The following RRAS2 variants were observed in gnomAD, a reference collection of about 807,000 sequenced individuals.
RRAS2 encodes RAS related 2.
RRAS2 carries 7 observed loss-of-function variants against 27.6 expected under a neutral mutation model. The ratio of observed to expected loss-of-function variants is 0.25; its 90% CI spans 0.14 to 0.48. The LOEUF (loss-of-function observed/expected upper bound fraction) is 0.48. Ranked by LOEUF, RRAS2 falls within the 20% of genes least tolerant of loss-of-function variation. The pLI is 0.99. For synonymous variants in RRAS2, 86 were observed against 90.9 expected (o/e 0.95, Z 0.31); for missense variants, 178 against 256.2 (o/e 0.69, Z 2.08).
chr11:14,291,558 G>GA (rs1554945799), intron 4 of RRAS2, among the ~76,000 whole-genome samples: 1 of 151,890 alleles, frequency 6.6e-6, no homozygotes, highest in African/African-American at 2.4e-5. Context: ...GGTTTAGATG[G>GA]AAAAATAAAT....
chr11:14,329,714 G>T (rs1232708476), intron 1 of RRAS2, among the ~76,000 whole-genome samples: 2 of 152,034 alleles, frequency 1.3e-5, no homozygotes, highest in Non-Finnish European at 1.5e-5. Flanking sequence ...AATCAACAAA[G>T]ACTTAAATTT....
intron 1 of RRAS2, among the ~76,000 whole-genome samples, chr11:14,338,235 C>T (rs571315255): frequency 6.6e-6 from 1 of 152,232 alleles, no homozygotes; most frequent in East Asian, 1.9e-4. Context: ...AAGGTAAGTA[C>T]TATTATCATC....
intron 1 of RRAS2, among the ~76,000 whole-genome samples, chr11:14,326,136 A>G (rs1848352102): frequency 6.6e-6 from 1 of 152,244 alleles, no homozygotes; most frequent in South Asian, 2.1e-4. Context: ...TTATTATCCC[A>G]TAGCATGGAA....
intron 4 of RRAS2, among the ~76,000 whole-genome samples, chr11:14,285,290 TA>T (rs1554944893): frequency 6.6e-6 from 1 of 152,206 alleles, no homozygotes; most frequent in Non-Finnish European, 1.5e-5. Context: ...GGTGTATGCC[TA>T]AAGTCCCAGC....
intron 1 of RRAS2, among the ~76,000 whole-genome samples, chr11:14,305,877 T>C (rs1847817289): frequency 6.6e-6 from 1 of 152,038 alleles, no homozygotes; most frequent in South Asian, 2.1e-4. Flanking sequence ...GACCCCCATC[T>C]CTACAAAATA....
chr11:14,356,494 T>A (rs1251689849), intron 1 of RRAS2, among the ~76,000 whole-genome samples: 1 of 152,162 alleles, frequency 6.6e-6, no homozygotes. Flanking sequence ...ACCATCTTTG[T>A]CATAAAAGTT....
intron 1 of RRAS2, among the ~76,000 whole-genome samples, chr11:14,357,847 C>T (rs1418411689): frequency 2.0e-5 from 3 of 152,184 alleles, no homozygotes; most frequent in Non-Finnish European, 4.4e-5. Context: ...AGCAGAAAGA[C>T]ATCGGGGCTT....
chr11:14,295,167 C>T (rs1321637349), intron 2 of RRAS2, among the ~76,000 whole-genome samples: 1 of 152,146 alleles, frequency 6.6e-6, no homozygotes, highest in Non-Finnish European at 1.5e-5. Flanking sequence ...TCTAAAATCA[C>T]TTGAATGTTT....
chr11:14,361,252 G>A (rs935401085), upstream of RRAS2, among the ~76,000 whole-genome samples: 3 of 149,886 alleles, frequency 2.0e-5, no homozygotes, highest in South Asian at 2.1e-4. Flanking sequence ...GTGAGATCAC[G>A]AGATCACACC....
At chr11:14,300,530 T>C (rs1207416902) in intron 1 of RRAS2, among the ~76,000 whole-genome samples, 5 of 152,054 alleles carry the variant, frequency 3.3e-5, no homozygotes, top group Admixed American at 3.3e-4. Flanking sequence ...CAGTGAGCCA[T>C]GATGGCACCA....
chr11:14,351,077 A>T (rs1401575489), intron 1 of RRAS2, among the ~76,000 whole-genome samples: 2 of 152,216 alleles, frequency 1.3e-5, no homozygotes, highest in African/African-American at 4.8e-5. Context: ...TATGTGGTCA[A>T]ATAAACACAT....
chr11:14,360,567 ATT>A (rs34348752), upstream of RRAS2, among the ~76,000 whole-genome samples: 11 of 148,074 alleles, frequency 7.4e-5, no homozygotes, highest in South Asian at 4.3e-4. Flanking sequence ...AGATCAGGTA[ATT>A]TTTTTTTTTT....
intron 1 of RRAS2, among the ~76,000 whole-genome samples, chr11:14,334,908 C>A (rs1591480122): frequency 1.3e-5 from 2 of 152,152 alleles, no homozygotes; most frequent in South Asian, 2.1e-4. Flanking sequence ...CCAACCTAGC[C>A]CCAACCTCTG....
chr11:14,320,974 A>T (rs1026659833), intron 1 of RRAS2, among the ~76,000 whole-genome samples: 11 of 152,318 alleles, frequency 7.2e-5, no homozygotes, highest in African/African-American at 2.6e-4. Context: ...TGAGGTCAGG[A>T]GTTCGAGACC....
intron 1 of RRAS2, among the ~76,000 whole-genome samples, chr11:14,321,256 C>T (rs1351751473): frequency 1.3e-5 from 2 of 152,172 alleles, no homozygotes; most frequent in Non-Finnish European, 2.9e-5. Flanking sequence ...TATACCATTC[C>T]TCCTTCCCCT....
chr11:14,317,598 T>TA (rs1554949713), intron 1 of RRAS2, among the ~76,000 whole-genome samples: 1 of 152,164 alleles, frequency 6.6e-6, no homozygotes, highest in African/African-American at 2.4e-5. Flanking sequence ...AATAAAATCT[T>TA]AAAAGGCAAG....
Position 14,317,715 on chromosome 11 carries a change from C to T in RRAS2, c.109-21860G>A, listed in dbSNP as rs1848140564. On this transcript the variant is annotated intron_variant, in intron 1 of 5. Coordinates refer to ENST00000256196, the MANE Select transcript of RRAS2 (RefSeq NM_012250.6). ...CAACAAGAAGCAGATGATGAATGAA[C>T]TTACTAGTTTTTCCTCTTGATCTTT... 1.3e-5 allele frequency among the ~76,000 whole-genome samples: 2 copies of T among 152,154 alleles called. 1 individual carries two copies. Among genetic ancestry groups the T allele is most frequent in the South Asian group, 4.1e-4 (2 of 4,824 alleles).
chr11:14,345,833 T>A lies in RRAS2; in HGVS notation c.108+12930A>T, dbSNP rs546900956. Among the ~76,000 whole-genome samples the A allele has an allele frequency of 2.6e-5, 4 of 152,290 alleles. No individual in the cohort carries two copies. The South Asian group carries it at 8.3e-4, about 32-fold the overall frequency. On this transcript the variant is annotated intron_variant, in intron 1 of 5. Transcript: ENST00000256196. ...GAAGCTCTCCAACGTCAACTTGCTGTTTAGCACCAAAACAAAGCAGAAATC... is the reference window on the plus strand; with the variant it reads ...GAAGCTCTCCAACGTCAACTTGCTGATTAGCACCAAAACAAAGCAGAAATC...
In RRAS2 at chr11:14,281,634, A is replaced by G. The variant is rs570801125; in HGVS notation, c.495T>C (p.Asp165=). 5 of 1,603,118 alleles carry G rather than the reference A, an allele frequency of 3.1e-6. No homozygotes were observed. Among genetic ancestry groups the G allele is most frequent in the African/African-American group, 2.7e-5 (2 of 74,502 alleles). ...EASAKIRMNV[D]QAFHELVRVI... is the part of the protein sequence containing the mutation. ...CCCGGACAAGTTCATGGAAAGCTTGATCTACATTCATCCTAATCTTTGCTG... is the reference window on the plus strand; with the variant it reads ...CCCGGACAAGTTCATGGAAAGCTTGGTCTACATTCATCCTAATCTTTGCTG... The change falls in exon 5 of 6, where the codon GAT becomes GAC. Residue 165 remains aspartate (D), a synonymous_variant. Transcript: ENST00000256196.
Sources: allele counts gnomAD v4.1 joint callset (sites outside exome capture counted in the v4.1 genomes callset), GRCh38; gene constraint gnomAD v4.1.1; transcripts MANE v1.5; gene names NCBI Gene and HGNC (gene_info 2026-07-23, HGNC 2026-07-21).